The following DTNA variants were observed in gnomAD, a reference collection of about 807,000 sequenced individuals.
DTNA encodes the protein dystrophin-related protein 3.
In DTNA, 43 loss-of-function variants were observed where a neutral mutation model predicts 100.7. The ratio of observed to expected loss-of-function variants is 0.43; its 90% CI spans 0.33 to 0.55. The LOEUF is 0.55. DTNA is among the 20% of genes least tolerant of loss of function. The pLI is 0.04. For synonymous variants in DTNA, 349 were observed against 347.9 expected (o/e 1.00, Z -0.04); for missense variants, 798 against 953.9 (o/e 0.84, Z 2.15).
chr18:34,884,803 T>C, intron 22 of DTNA, 27 bp downstream of exon 22: 3 of 1,610,688 alleles, frequency 1.9e-6, no homozygotes, highest in Non-Finnish European at 2.5e-6. Context: ...TTAGGAGGAA[T>C]CATGGCCACT....
chr18:34,602,977 C>T (rs1256511041), intron 1 of DTNA, among the ~76,000 whole-genome samples: 3 of 150,132 alleles, frequency 2.0e-5, no homozygotes, highest in South Asian at 2.1e-4. Context: ...TACTCCAGCC[C>T]GGGCGACAGT....
chr18:34,854,016 C>T (rs2096522525), intron 15 of DTNA, among the ~76,000 whole-genome samples: 1 of 152,128 alleles, frequency 6.6e-6, no homozygotes, highest in African/African-American at 2.4e-5. Flanking sequence ...TGGGGACAGG[C>T]AGGCATTGGA....
intron 1 of DTNA, among the ~76,000 whole-genome samples, chr18:34,550,610 C>A (rs577664784): frequency 6.6e-6 from 1 of 152,120 alleles, no homozygotes; most frequent in East Asian, 1.9e-4. Context: ...ATAAATAAAC[C>A]AAATTAAATG....
chr18:34,553,941 G>A (rs2045739711), intron 1 of DTNA, among the ~76,000 whole-genome samples: 1 of 149,960 alleles, frequency 6.7e-6, no homozygotes. Flanking sequence ...TGATGGGGAT[G>A]GCATTGAATC....
chr18:34,775,569 G>A (rs1267881662), intron 3 of DTNA, among the ~76,000 whole-genome samples: 1 of 152,202 alleles, frequency 6.6e-6, no homozygotes, highest in Non-Finnish European at 1.5e-5. Context: ...GACGTTTGAA[G>A]GGACAGATGA....
intron 1 of DTNA, among the ~76,000 whole-genome samples, chr18:34,512,674 A>G (rs2041208947): frequency 6.6e-6 from 1 of 152,182 alleles, no homozygotes; most frequent in African/African-American, 2.4e-5. Flanking sequence ...GTTCTCTGAA[A>G]GGTATATGTG....
intron 4 of DTNA, among the ~76,000 whole-genome samples, chr18:34,802,395 C>T (rs1272781703): frequency 5.9e-5 from 9 of 152,234 alleles, no homozygotes; most frequent in Admixed American, 5.9e-4. Flanking sequence ...CATCCTCATG[C>T]ACTTGTCTTT....
chr18:34,843,528 C>T (rs1477814866), intron 13 of DTNA, among the ~76,000 whole-genome samples: 2 of 152,072 alleles, frequency 1.3e-5, no homozygotes, highest in African/African-American at 2.4e-5. Context: ...TTCTCCTGTC[C>T]TTGACTTGCA....
At chr18:34,635,788 A>G (rs1001323435) in intron 1 of DTNA, among the ~76,000 whole-genome samples, 1 of 152,190 alleles carries the variant, frequency 6.6e-6, no homozygotes, top group Non-Finnish European at 1.5e-5. Context: ...TGTCATGCTC[A>G]TGGAGACAAA....
intron 1 of DTNA, among the ~76,000 whole-genome samples, chr18:34,746,171 C>T (rs1350030376): frequency 2.0e-5 from 3 of 149,864 alleles, no homozygotes; most frequent in African/African-American, 7.4e-5. Context: ...ATTAAAAAAA[C>T]AGTCTTCTAA....
chr18:34,664,325 A>G (rs935557998), intron 1 of DTNA, among the ~76,000 whole-genome samples: 1 of 152,160 alleles, frequency 6.6e-6, no homozygotes, highest in African/African-American at 2.4e-5. Context: ...TATTAAAAAT[A>G]TATTATTTTA....
chr18:34,658,968 G>C (rs2074785315), intron 1 of DTNA, among the ~76,000 whole-genome samples: 2 of 152,208 alleles, frequency 1.3e-5, no homozygotes, highest in East Asian at 3.8e-4. Flanking sequence ...CAGTGCTATG[G>C]AGTATGTTGC....
At chr18:34,559,085 A>G (rs1026059992) in intron 1 of DTNA, among the ~76,000 whole-genome samples, 7 of 152,248 alleles carry the variant, frequency 4.6e-5, no homozygotes, top group Non-Finnish European at 5.9e-5. Context: ...TTATTTGATA[A>G]CTAAGTTCTA....
chr18:34,874,600 T>C (rs2096796847), intron 17 of DTNA, among the ~76,000 whole-genome samples: 1 of 152,234 alleles, frequency 6.6e-6, no homozygotes, highest in African/African-American at 2.4e-5. Flanking sequence ...GGACATTTCC[T>C]GCAGGAAATA....
chr18:34,832,253 C>G (rs1487915177), intron 11 of DTNA, among the ~76,000 whole-genome samples: 1 of 152,186 alleles, frequency 6.6e-6, no homozygotes, highest in East Asian at 1.9e-4. Context: ...TCTTTTCAAA[C>G]TTTCTGGGCA....
intron 21 of DTNA, among the ~76,000 whole-genome samples, chr18:34,882,643 C>T (rs925032224): frequency 1.3e-5 from 2 of 152,150 alleles, no homozygotes; most frequent in East Asian, 1.9e-4. Flanking sequence ...GCTAGGATTA[C>T]AGGCGTGAGC....
rs111412413 is a variant in DTNA at position 34,879,184 on chromosome 18, G to T, written c.1994-367G>T. On this transcript the variant is annotated intron_variant, in intron 19 of 22. Transcript: ENST00000444659. ...AAGCATTTTAGGTGAATATTTTATG[G>T]TTAGGATTAGGTTTTAACTCATAGT... Among the ~76,000 whole-genome samples the T allele has an allele frequency of 2.3e-4, 35 of 152,234 alleles. 1 individual carries two copies. The highest frequency in any genetic ancestry group is 8.4e-4 in the African/African-American group (35 of 41,538).
In DTNA at chr18:34,875,418, G is replaced by A; in HGVS notation, c.1903+20G>A. The A allele has an allele frequency of 6.2e-7, 1 of 1,613,966 alleles. No homozygotes were observed. The highest frequency in any genetic ancestry group is 8.5e-7 in the Non-Finnish European group (1 of 1,180,026). Reference sequence around the variant, plus strand: ...CACAAAGTAAGTGGCTTTATTTTTTGTTGTGGTCTGCTTTTATGTGGCAAA... The same window carrying A: ...CACAAAGTAAGTGGCTTTATTTTTTATTGTGGTCTGCTTTTATGTGGCAAA... On this transcript the variant is annotated intron_variant, in intron 18 of 22. Transcript: ENST00000444659.
intron 1 of DTNA, among the ~76,000 whole-genome samples, chr18:34,676,179 T>G (rs2077374611): frequency 6.6e-6 from 1 of 152,218 alleles, no homozygotes; most frequent in Non-Finnish European, 1.5e-5. Flanking sequence ...GAGCCTCTGT[T>G]TAAATTGATA....
Sources: allele counts gnomAD v4.1 joint callset (sites outside exome capture counted in the v4.1 genomes callset), GRCh38; gene constraint gnomAD v4.1.1; transcripts MANE v1.5; gene names NCBI Gene and HGNC (gene_info 2026-07-23, HGNC 2026-07-21).